Variants in RIPK2 observed in about 807,000 individuals in gnomAD.
The protein encoded by RIPK2 is receptor interacting serine/threonine kinase 2, also known as receptor-interacting serine/threonine-protein kinase 2.
In RIPK2, 38 loss-of-function variants were observed where a neutral mutation model predicts 60.9. That is an observed-to-expected ratio of 0.62 (90% CI 0.48 to 0.82). The LOEUF is 0.82. Ranked by LOEUF, RIPK2 falls within the 40% of genes least tolerant of loss-of-function variation. The probability of loss-of-function intolerance (pLI) is 0.00; values close to 1 mark genes in which losing one functional copy is unlikely to be tolerated. For missense variants in RIPK2, 518 were observed against 647.0 expected (o/e 0.80, Z 2.16); for synonymous variants, 225 against 223.4 (o/e 1.01, Z -0.06).
chr8:89,758,351 G>A (rs1809086011), intron 1 of RIPK2, 118 bp downstream of exon 1: 5 of 1,060,328 alleles, frequency 4.7e-6, no homozygotes, highest in Admixed American at 5.3e-5. Flanking sequence ...GCCTCACCTC[G>A]TCACCTCTAG....
chr8:89,779,064 G>A (rs1035086635), intron 6 of RIPK2, among the ~76,000 whole-genome samples: 4 of 151,992 alleles, frequency 2.6e-5, no homozygotes, highest in African/African-American at 9.7e-5. Context: ...ATCTTTTCAT[G>A]TGCTTCTTGA....
At chr8:89,767,320 C>T (rs1015925109) in intron 3 of RIPK2, among the ~76,000 whole-genome samples, 3 of 151,512 alleles carry the variant, frequency 2.0e-5, no homozygotes, top group Non-Finnish European at 4.4e-5. Context: ...TGCTATACTT[C>T]TTTTAATAAC....
intron 1 of RIPK2, among the ~76,000 whole-genome samples, chr8:89,761,485 T>C (rs1482110870): frequency 2.0e-5 from 3 of 152,178 alleles, no homozygotes; most frequent in African/African-American, 7.2e-5. Flanking sequence ...GTTCATGTAT[T>C]AACTGGTATT....
chr8:89,763,157 A>G (rs1441906163), intron 2 of RIPK2, among the ~76,000 whole-genome samples, 175 bp downstream of exon 2: 1 of 152,170 alleles, frequency 6.6e-6, no homozygotes, highest in African/African-American at 2.4e-5. Context: ...GTGTTGATTA[A>G]AACACTGTGG....
chr8:89,772,303 C>A (rs1809327415), intron 5 of RIPK2, among the ~76,000 whole-genome samples: 1 of 151,824 alleles, frequency 6.6e-6, no homozygotes, highest in African/African-American at 2.4e-5. Flanking sequence ...CAAAAAACAA[C>A]CTCGGAATCT....
intron 7 of RIPK2, 175 bp downstream of exon 7, chr8:89,780,335 A>G: frequency 5.5e-6 from 2 of 364,926 alleles, no homozygotes; most frequent in Non-Finnish European, 9.9e-6. Flanking sequence ...TTTGTCACCA[A>G]AAGCTTTTCT....
intron 1 of RIPK2, chr8:89,759,362 C>G (rs577378873): frequency 2.2e-6 from 1 of 456,320 alleles, no homozygotes; most frequent in Admixed American, 2.3e-5. Context: ...AGTGAGTTAA[C>G]ATCCATGATT....
chr8:89,758,086 C>T lies in RIPK2; in HGVS notation c.26C>T (p.Ala9Val), dbSNP rs1809079344. Reference protein sequence around the residue: MNGEAICSALPTIPYHKLA... With the variant: MNGEAICSVLPTIPYHKLA... Reference sequence around the variant, plus strand: ...ATGAACGGGGAGGCCATCTGCAGCGCCCTGCCCACCATTCCCTACCACAAA... The same window carrying T: ...ATGAACGGGGAGGCCATCTGCAGCGTCCTGCCCACCATTCCCTACCACAAA... The change falls in exon 1 of 11, where the codon GCC (alanine) becomes GTC (valine). Residue 9 changes from alanine to valine, a missense_variant. By Grantham distance (64) the Ala-to-Val change is moderately conservative. Around this residue, in one of 3 missense-constraint regions of RIPK2, gnomAD observed 448 missense variants for 534.7 expected, o/e 0.84. Coordinates refer to ENST00000220751, the MANE Select transcript of RIPK2 (RefSeq NM_003821.6). The T allele has an allele frequency of 6.2e-7, 1 of 1,606,166 alleles. No individual in the cohort carries two copies. Among genetic ancestry groups the T allele is most frequent in the Non-Finnish European group, 8.5e-7 (1 of 1,176,820 alleles).
chr8:89,781,354 A>ATTTTTTTTTTTTCTTTTTTTTT (rs1554598656), intron 7 of RIPK2, among the ~76,000 whole-genome samples: 7 of 144,034 alleles, frequency 4.9e-5, no homozygotes, highest in African/African-American at 1.8e-4. Flanking sequence ...AATAGATTGA[A>ATTTTTTTTTTTTCTTTTTTTTT]TTTTTTTTTT....
At chr8:89,760,224 C>T (rs568347948) in intron 1 of RIPK2, among the ~76,000 whole-genome samples, 96 of 81,158 alleles carry the variant, frequency 1.2e-3, no homozygotes, top group African/African-American at 0.011. Context: ...TTGGGATGAC[C>T]TGAAAAAAAA....
At chr8:89,783,189 A>C (rs927784471) in intron 7 of RIPK2, among the ~76,000 whole-genome samples, 15 of 152,208 alleles carry the variant, frequency 9.9e-5, no homozygotes, top group Admixed American at 7.2e-4. Context: ...TCTGAAGAGT[A>C]GTTGACATTA....
intron 2 of RIPK2, among the ~76,000 whole-genome samples, chr8:89,764,821 C>A (rs1809200178): frequency 6.6e-6 from 1 of 151,762 alleles, no homozygotes; most frequent in Non-Finnish European, 1.5e-5. Flanking sequence ...TCAATAAATA[C>A]AATATGATCA....
rs1809658245 is a variant in RIPK2, at chr8:89,790,427, T to G, written c.*11T>G. 3.9e-6 allele frequency: 6 copies of G among 1,534,076 alleles called. 1 individual carries two copies. The highest frequency in any genetic ancestry group is 1.8e-4 in the Middle Eastern group (1 of 5,640). Reference sequence around the variant, plus strand: ...AATAAAAGCATGTAAGTGACTGTTTTTCAAGAAGAAATGTGTTTCATAAAA... The same window carrying G: ...AATAAAAGCATGTAAGTGACTGTTTGTCAAGAAGAAATGTGTTTCATAAAA... On this transcript the variant is annotated 3_prime_UTR_variant, in exon 11 of 11. Transcript: ENST00000220751.
Position 89,790,105 on chromosome 8 carries a change from C to G in RIPK2, c.1312C>G (p.Gln438Glu), listed in dbSNP as rs1326003966. 1 of 1,613,822 alleles carries G rather than the reference C, an allele frequency of 6.2e-7. No homozygotes were observed. Among genetic ancestry groups the G allele is most frequent in the Non-Finnish European group, 8.5e-7 (1 of 1,179,872 alleles). Residue 438 changes from glutamine (Q) to glutamate (E), a missense_variant, in exon 11 of 11, where the codon CAG becomes GAG. By Grantham distance (29) the Gln-to-Glu change is conservative (BLOSUM62 2). This residue lies in a region of RIPK2 where 448 missense variants were observed against 534.7 expected (regional missense o/e 0.84). Transcript: ENST00000220751. The part of the protein sequence containing the change: ...SERLQPGIAQ[Q>E]WIQSKREDIV... ...ACGTCTGCAGCCTGGTATAGCCCAG[C>G]AGTGGATCCAGAGCAAAAGGGAAGA... is the stretch of plus-strand genomic sequence containing the variant.
intron 5 of RIPK2, among the ~76,000 whole-genome samples, chr8:89,772,445 T>G (rs1428494753): frequency 6.6e-6 from 1 of 152,068 alleles, no homozygotes; most frequent in African/African-American, 2.4e-5. Context: ...AATCACATGG[T>G]CAAGCCCAAA....
chr8:89,782,964 A>G (rs1292642858), intron 7 of RIPK2, among the ~76,000 whole-genome samples: 1 of 152,230 alleles, frequency 6.6e-6, no homozygotes, highest in African/African-American at 2.4e-5. Context: ...CTCACATAAC[A>G]GAGATAAAAC....
chr8:89,784,797 G>C (rs1424009338), intron 8 of RIPK2, among the ~76,000 whole-genome samples: 1 of 152,126 alleles, frequency 6.6e-6, no homozygotes, highest in Admixed American at 6.5e-5. Flanking sequence ...AGGTTTATTT[G>C]GCTCACAATT....
intron 6 of RIPK2, among the ~76,000 whole-genome samples, chr8:89,778,431 C>A (rs1354831063): frequency 6.6e-6 from 1 of 152,062 alleles, no homozygotes; most frequent in Non-Finnish European, 1.5e-5. Flanking sequence ...TTTCCATCAC[C>A]CCCTACAAAA....
chr8:89,784,769 G>A (rs1809557747), intron 8 of RIPK2, among the ~76,000 whole-genome samples: 1 of 152,150 alleles, frequency 6.6e-6, no homozygotes, highest in South Asian at 2.1e-4. Flanking sequence ...CTAAGAGTAG[G>A]TAATTTATAA....
Sources: allele counts gnomAD v4.1 joint callset (sites outside exome capture counted in the v4.1 genomes callset), GRCh38; gene constraint gnomAD v4.1.1; regional missense constraint gnomAD v4.1.1; transcripts MANE v1.5; gene names NCBI Gene and HGNC (gene_info 2026-07-23, HGNC 2026-07-21).